The following ELP4 variants were observed in gnomAD, a reference collection of about 807,000 sequenced individuals.
The protein encoded by ELP4 is elongator acetyltransferase complex subunit 4.
Under a neutral mutation model 48.9 loss-of-function variants are expected in ELP4, and 51 were observed. The observed-to-expected ratio is 1.04, with a 90% CI of 0.83 to 1.32. The LOEUF (loss-of-function observed/expected upper bound fraction) is 1.32, where lower values mean the gene tolerates loss of function less well. Ranked by LOEUF, ELP4 falls within the 40% of genes most tolerant of loss-of-function variation. ELP4 has a pLI of 0.00. For synonymous variants in ELP4, 210 were observed against 189.2 expected, an observed-to-expected ratio of 1.11 and a Z score of -0.90; for missense variants, 519 against 514.6, an observed-to-expected ratio of 1.01 and a Z score of -0.08.
intron 9 of ELP4, among the ~76,000 whole-genome samples, chr11:31,690,401 C>T (rs1946252042): frequency 6.6e-6 from 1 of 151,878 alleles, no homozygotes; most frequent in South Asian, 2.1e-4. Context: ...TGGTCACTGA[C>T]CAAATACCCC....
intron 9 of ELP4, among the ~76,000 whole-genome samples, chr11:31,662,290 A>G (rs988982143): frequency 5.3e-5 from 8 of 152,116 alleles, no homozygotes; most frequent in Admixed American, 2.0e-4. Flanking sequence ...TTAGCATTCA[A>G]TTATTATCAC....
intron 9 of ELP4, among the ~76,000 whole-genome samples, chr11:31,772,289 G>A (rs1387894742): frequency 6.6e-6 from 1 of 151,908 alleles, no homozygotes; most frequent in African/African-American, 2.4e-5. Context: ...CATGATGCCC[G>A]GCTAGTTTTT....
At chr11:31,766,231 A>AT (rs1173575063) in intron 9 of ELP4, among the ~76,000 whole-genome samples, 1 of 152,164 alleles carries the variant, frequency 6.6e-6, no homozygotes, top group Non-Finnish European at 1.5e-5. Flanking sequence ...TTATATCTGA[A>AT]TAAAAAAGAA....
chr11:31,539,299 C>A (rs1956555073), intron 2 of ELP4, among the ~76,000 whole-genome samples: 1 of 152,156 alleles, frequency 6.6e-6, no homozygotes, highest in Non-Finnish European at 1.5e-5. Context: ...CCTGTGTCTA[C>A]TAAAAATACA....
intron 3 of ELP4, among the ~76,000 whole-genome samples, chr11:31,585,365 G>T (rs1476883141): frequency 6.6e-6 from 1 of 151,742 alleles, no homozygotes; most frequent in African/African-American, 2.4e-5. Context: ...ACTCACTGAG[G>T]CAAATGATGT....
At chr11:31,658,401 G>C (rs1268789547) in intron 9 of ELP4, among the ~76,000 whole-genome samples, 1 of 151,166 alleles carries the variant, frequency 6.6e-6, no homozygotes, top group Non-Finnish European at 1.5e-5. Flanking sequence ...GAATACATTA[G>C]GGTGATGATA....
At chr11:31,626,433 G>A (rs879479700) in intron 5 of ELP4, among the ~76,000 whole-genome samples, 1 of 151,682 alleles carries the variant, frequency 6.6e-6, no homozygotes. Context: ...ATGTAAAGCA[G>A]ATTTTCCTCA....
At chr11:31,649,870 C>T (rs182096164) in intron 8 of ELP4, 24 of 333,026 alleles carry the variant, frequency 7.2e-5, no homozygotes, top group African/African-American at 4.9e-4. Flanking sequence ...TCCCTCTTTA[C>T]ATCTGTACTT....
In ELP4 at chr11:31,676,646, C is replaced by A. The variant is rs1468035565; in HGVS notation, c.1143+26425C>A. On this transcript the variant is annotated intron_variant, in intron 9 of 9. Coordinates refer to ENST00000640961, the MANE Select transcript of ELP4 (RefSeq NM_019040.5). ...AAGCTTATACTAGTTGAAATAATAC[C>A]ATTTATTGCTATTATTTATAGGTAC... Among the ~76,000 whole-genome samples, 8 of 152,064 alleles carry A rather than the reference C, an allele frequency of 5.3e-5. No individual in the cohort carries two copies. In the South Asian group the frequency reaches 8.3e-4, roughly 16 times the overall value.
At chr11:31,562,111 T>G (rs1398582862) in intron 3 of ELP4, among the ~76,000 whole-genome samples, 1 of 152,186 alleles carries the variant, frequency 6.6e-6, no homozygotes, top group Non-Finnish European at 1.5e-5. Flanking sequence ...TGCCTGTACC[T>G]TATTTTCCCA....
chr11:31,675,487 C>T (rs1055693767), intron 9 of ELP4, among the ~76,000 whole-genome samples: 1 of 152,120 alleles, frequency 6.6e-6, no homozygotes, highest in Admixed American at 6.5e-5. Context: ...TCTCGAACTC[C>T]TGACCTCAGG....
intron 5 of ELP4, 126 bp from the exon 6 acceptor site, chr11:31,626,984 T>G: frequency 1.8e-6 from 1 of 567,624 alleles, no homozygotes; most frequent in Admixed American, 2.9e-5. Flanking sequence ...ATAATACTGT[T>G]TTGACATTCT....
chr11:31,675,017 A>T (rs1167380236), intron 9 of ELP4, among the ~76,000 whole-genome samples: 4 of 152,068 alleles, frequency 2.6e-5, no homozygotes, highest in Admixed American at 2.0e-4. Flanking sequence ...TTTGGAAATT[A>T]TGGAAGCTAA....
chr11:31,584,194 T>G (rs1027477073), intron 3 of ELP4, among the ~76,000 whole-genome samples: 1 of 151,988 alleles, frequency 6.6e-6, no homozygotes, highest in Non-Finnish European at 1.5e-5. Flanking sequence ...TAATTAAATT[T>G]AAGTATTTAT....
intron 4 of ELP4, among the ~76,000 whole-genome samples, chr11:31,600,835 C>A (rs964585197): frequency 1.3e-5 from 2 of 152,036 alleles, no homozygotes; most frequent in Admixed American, 6.6e-5. Context: ...CTTGGTGCAG[C>A]TTTTCTTTGA....
intron 9 of ELP4, chr11:31,715,060 T>C (rs1488133007): frequency 2.8e-6 from 1 of 352,868 alleles, no homozygotes; most frequent in Non-Finnish European, 5.0e-6. Context: ...GTAACCACTA[T>C]GATAGTTCAT....
intron 9 of ELP4, among the ~76,000 whole-genome samples, chr11:31,770,607 T>C (rs1948121240): frequency 6.6e-6 from 1 of 151,528 alleles, no homozygotes; most frequent in Admixed American, 6.6e-5. Flanking sequence ...AAGATACTGC[T>C]TTCAGTTTGC....
intron 4 of ELP4, among the ~76,000 whole-genome samples, chr11:31,602,684 A>G (rs1185834468): frequency 1.3e-5 from 2 of 151,958 alleles, no homozygotes; most frequent in Non-Finnish European, 2.9e-5. Flanking sequence ...CTTAAATGCA[A>G]ATATCTAGTG....
Position 31,594,809 on chromosome 11 carries a change from G to T in ELP4, c.421G>T (p.Glu141Ter). The T allele has an allele frequency of 6.5e-7, 1 of 1,533,130 alleles. No individual in the cohort carries two copies. Among genetic ancestry groups the T allele is most frequent in the Non-Finnish European group, 8.7e-7 (1 of 1,147,578 alleles). The allele number at this position is 1,533,130 out of a possible 1,614,324, so 95.0% of individuals were successfully genotyped here. Residue 141 changes from glutamate to a stop codon, truncating the protein, a stop_gained, in exon 4 of 10, where the codon GAA (glutamate) becomes TAA (stop). Coordinates refer to ENST00000640961, the MANE Select transcript of ELP4 (RefSeq NM_019040.5). LOFTEE classifies it high-confidence loss of function. ...APLLDDKCKKEFDEDVYNHKT... is the reference protein window; with the variant it reads ...APLLDDKCKK The stretch of plus-strand genomic sequence containing the variant: ...ATTACTTGATGATAAATGTAAAAAG[G>T]AATTTGATGAAGATGTATACAATCA...
Sources: allele counts gnomAD v4.1 joint callset (sites outside exome capture counted in the v4.1 genomes callset), GRCh38; gene constraint gnomAD v4.1.1; transcripts MANE v1.5; gene names NCBI Gene and HGNC (gene_info 2026-07-23, HGNC 2026-07-21).